Variants in SS18L1 observed in about 807,000 individuals in gnomAD.
SS18L1 encodes SS18L1 subunit of BAF chromatin remodeling complex.
In SS18L1, 32 loss-of-function variants were observed where a neutral mutation model predicts 70.3. The observed-to-expected ratio is 0.46, with a 90% confidence interval of 0.34 to 0.61. SS18L1 has a LOEUF of 0.61. Ranked by LOEUF, SS18L1 falls within the 20% of genes least tolerant of loss-of-function variation. The pLI, the probability that SS18L1 is intolerant of heterozygous loss-of-function variation, is 0.01. For synonymous variants in SS18L1, 237 were observed against 229.7 expected (o/e 1.03, Z -0.29); for missense variants, 430 against 542.1 (o/e 0.79, Z 2.05).
chr20:62,166,277 G>A (rs1390889101), intron 8 of SS18L1, among the ~76,000 whole-genome samples: 1 of 152,234 alleles, frequency 6.6e-6, no homozygotes, highest in African/African-American at 2.4e-5. Context: ...GAGGGGCCTC[G>A]TGTCTGCTGA....
intron 1 of SS18L1, among the ~76,000 whole-genome samples, chr20:62,144,517 C>A (rs1013215564): frequency 6.6e-6 from 1 of 152,226 alleles, no homozygotes; most frequent in South Asian, 2.1e-4. Context: ...GCAGCCCGGC[C>A]CCGTAGGGAG....
intron 9 of SS18L1, among the ~76,000 whole-genome samples, chr20:62,173,439 G>T (rs2057567166): frequency 1.3e-5 from 2 of 152,232 alleles, no homozygotes; most frequent in African/African-American, 4.8e-5. Context: ...GCCAGGCGTG[G>T]TGGCTCACGC....
At chr20:62,163,995 A>G (rs2145746728) in intron 6 of SS18L1, 150 bp from the exon 7 acceptor site, 2 of 685,040 alleles carry the variant, frequency 2.9e-6, no homozygotes, top group South Asian at 2.0e-5. Flanking sequence ...TAAAAATACA[A>G]AACATAAGTT....
intron 1 of SS18L1, among the ~76,000 whole-genome samples, chr20:62,151,758 A>G (rs940038724): frequency 6.6e-6 from 1 of 152,096 alleles, no homozygotes; most frequent in African/African-American, 2.4e-5. Flanking sequence ...TGGTTGAGAA[A>G]GTCACCCCCA....
Position 62,161,452 on chromosome 20 carries a change from T to C in SS18L1, c.248T>C (p.Met83Thr). ...SLLPAPPTQN[M>T]NLGPGALTQS... is the part of the protein sequence containing the mutation. ...TGCCTGCAGCCGCCCACGCAGAACA[T>C]GAACCTGGGCCCTGGAGCCCTGACT... Residue 83 changes from methionine (M) to threonine (T), a missense_variant, in exon 4 of 11, where the codon ATG (methionine) becomes ACG (threonine). Met to Thr is a moderately conservative substitution (Grantham distance 81). Coordinates refer to ENST00000331758, the MANE Select transcript of SS18L1 (RefSeq NM_198935.3). This position sits in a 1 kb window ranked among gnomAD's most constrained non-coding sequence, Gnocchi z 4.4. 1 of 1,612,820 alleles carries C rather than the reference T, an allele frequency of 6.2e-7. No individual in the cohort carries two copies. Among genetic ancestry groups the C allele is most frequent in the Non-Finnish European group, 8.5e-7 (1 of 1,179,990 alleles).
Position 62,172,740 on chromosome 20 carries a change from G to A in SS18L1, c.975G>A (p.Gln325=). Residue 325 remains glutamine, a synonymous_variant, in exon 9 of 11, where the codon CAG becomes CAA. Coordinates refer to ENST00000331758, the MANE Select transcript of SS18L1 (RefSeq NM_198935.3). Reference sequence around the variant, plus strand: ...ACCAGCAGGGTGCCGCGCAGCAGCAGACGTACTCCCAGCAGCAGTACCCCA... The same window carrying A: ...ACCAGCAGGGTGCCGCGCAGCAGCAAACGTACTCCCAGCAGCAGTACCCCA... ...AGYQQGAAQQ[Q]TYSQQQYPSQ... is the part of the protein sequence containing the mutation. 1.2e-6 allele frequency: 2 copies of A among 1,614,082 alleles called. No homozygotes were observed. Among genetic ancestry groups the A allele is most frequent in the Non-Finnish European group, 1.7e-6 (2 of 1,180,032 alleles).
At position 62,161,560 on chromosome 20, in the gene SS18L1, T is replaced by C; in HGVS notation, c.356T>C (p.Leu119Pro). 1 of 1,609,912 alleles carries C rather than the reference T, an allele frequency of 6.2e-7. No homozygotes were observed. The highest frequency in any genetic ancestry group is 8.5e-7 in the Non-Finnish European group (1 of 1,177,628). The change falls in exon 4 of 11, where the codon CTG becomes CCG. Residue 119 changes from leucine to proline, a missense_variant. Leu to Pro is a moderately conservative substitution (Grantham distance 98). Transcript: ENST00000331758. The surrounding 1 kb of genome is among the most constrained non-coding windows in gnomAD (Gnocchi z 4.4). ...ISTGLPPSSL[L>P]QGQIGNGPSH... is the part of the protein sequence containing the mutation. ...ACGGGCCTGCCACCCTCCTCCCTCC[T>C]GCAGGGCCAGATTGGCAACGGTGAG...
In SS18L1 at chr20:62,174,466, A is replaced by AT. The variant is rs1391861288; in HGVS notation, c.1037-51_1037-50insT. On this transcript the variant is annotated intron_variant, in intron 9 of 10. Transcript: ENST00000331758. This position sits in a 1 kb window ranked among gnomAD's most constrained non-coding sequence, Gnocchi z 4.1. ...AAAATTTTTAAGTTAAGAAAAAAAAAGAAAGAGGTGTCCGTTTTGGCCGGC... is the reference window on the plus strand; with the variant it reads ...AAAATTTTTAAGTTAAGAAAAAAAAATGAAAGAGGTGTCCGTTTTGGCCGGC... 1.9e-6 allele frequency: 3 copies of AT among 1,545,810 alleles called. No individual in the cohort carries two copies. The highest frequency in any genetic ancestry group is 1.4e-5 in the African/African-American group (1 of 71,788).
intron 1 of SS18L1, among the ~76,000 whole-genome samples, chr20:62,152,022 C>G (rs2145705478): frequency 6.6e-6 from 1 of 152,222 alleles, no homozygotes; most frequent in South Asian, 2.1e-4. Flanking sequence ...TCCCGCTCCC[C>G]AGAGCTGGCC....
At chr20:62,153,092 C>A (rs1378124515) in intron 1 of SS18L1, among the ~76,000 whole-genome samples, 1 of 152,116 alleles carries the variant, frequency 6.6e-6, no homozygotes, top group African/African-American at 2.4e-5. Flanking sequence ...AGAATCATGG[C>A]GGAAGGGGAA....
chr20:62,167,085 G>A (rs1170328115), intron 8 of SS18L1, among the ~76,000 whole-genome samples: 4 of 118,856 alleles, frequency 3.4e-5, no homozygotes, highest in African/African-American at 1.4e-4. Context: ...TCACTCTGTC[G>A]CCGAGGCTGG....
intron 1 of SS18L1, among the ~76,000 whole-genome samples, chr20:62,145,244 G>A (rs530195658): frequency 3.6e-4 from 55 of 152,348 alleles, no homozygotes; most frequent in African/African-American, 1.1e-3. Flanking sequence ...GAAGCTACTG[G>A]CATCCCGTTT....
intron 10 of SS18L1, chr20:62,175,517 T>C (rs1463436629): frequency 1.1e-6 from 1 of 913,944 alleles, no homozygotes; most frequent in Admixed American, 6.2e-5. Flanking sequence ...TGAAGGAGGC[T>C]CGGTGGCTGG....
intron 8 of SS18L1, 132 bp downstream of exon 8, chr20:62,165,646 G>A (rs2145753822): frequency 1.2e-6 from 1 of 835,710 alleles, no homozygotes; most frequent in South Asian, 1.6e-5. Flanking sequence ...CGCGTGGGAG[G>A]AGAGACAGTG....
At chr20:62,167,051 T>TG (rs2057447971) in intron 8 of SS18L1, among the ~76,000 whole-genome samples, 1 of 134,936 alleles carries the variant, frequency 7.4e-6, no homozygotes, top group Non-Finnish European at 1.6e-5. Flanking sequence ...TGTTTTTTTT[T>TG]TTTTTTTTTT....
chr20:62,162,825 C>T lies in SS18L1; in HGVS notation c.450C>T (p.Pro150=), dbSNP rs776557954. The T allele has an allele frequency of 5.8e-5, 93 of 1,612,846 alleles. No individual in the cohort carries two copies. Among genetic ancestry groups the T allele is most frequent in the South Asian group, 5.4e-4 (49 of 91,076 alleles). Residue 150 remains proline, a synonymous_variant, in exon 5 of 11, where the codon CCC becomes CCT. Coordinates refer to ENST00000331758, the MANE Select transcript of SS18L1 (RefSeq NM_198935.3). ...CCACCTCCATGAGCATCTCTGGGCC[C>T]GGCTACAGCCACGCGGGACCCGCCT... ...LPTTSMSISG[P]GYSHAGPASQ... is the part of the protein sequence containing the mutation.
At chr20:62,164,068 C>A in intron 6 of SS18L1, 77 bp from the exon 7 acceptor site, 1 of 1,380,728 alleles carries the variant, frequency 7.2e-7, no homozygotes, top group Non-Finnish European at 9.9e-7. Flanking sequence ...AAGGCCTTGG[C>A]TTCCCCAGTG....
intron 1 of SS18L1, among the ~76,000 whole-genome samples, chr20:62,152,720 C>T (rs941323363): frequency 6.6e-6 from 1 of 152,194 alleles, no homozygotes; most frequent in East Asian, 1.9e-4. Flanking sequence ...CCATCACCAG[C>T]CCTGGCAACC....
At chr20:62,150,350 C>G (rs541553068) in intron 1 of SS18L1, among the ~76,000 whole-genome samples, 2 of 152,202 alleles carry the variant, frequency 1.3e-5, no homozygotes, top group Non-Finnish European at 2.9e-5. Flanking sequence ...ATGTCTGCCC[C>G]GAGAACAGGA....
Sources: allele counts gnomAD v4.1 joint callset (sites outside exome capture counted in the v4.1 genomes callset), GRCh38; gene constraint gnomAD v4.1.1; non-coding constraint Gnocchi (gnomAD v3.1); transcripts MANE v1.5; gene names NCBI Gene and HGNC (gene_info 2026-07-23, HGNC 2026-07-21).